The following SHANK2 variants were observed in gnomAD, a reference collection of about 807,000 sequenced individuals.
The protein encoded by SHANK2 is SH3 and multiple ankyrin repeat domains protein 2.
In SHANK2, 43 loss-of-function variants were observed where a neutral mutation model predicts 133.7. The ratio of observed to expected loss-of-function variants is 0.32; its 90% CI spans 0.25 to 0.41. The LOEUF (loss-of-function observed/expected upper bound fraction) is 0.41, where lower values mean the gene tolerates loss of function less well. Ranked by LOEUF, SHANK2 falls within the 10% of genes least tolerant of loss-of-function variation. The probability of loss-of-function intolerance (pLI) is 1.00; values close to 1 mark genes in which losing one functional copy is unlikely to be tolerated. For synonymous variants in SHANK2, 1,017 were observed against 952.8 expected (o/e 1.07, Z -1.24); for missense variants, 1,994 against 2,235.8 (o/e 0.89, Z 2.18).
At chr11:70,572,520 TCAGA>T (rs2060057986) in intron 17 of SHANK2, among the ~76,000 whole-genome samples, 1 of 151,868 alleles carries the variant, frequency 6.6e-6, no homozygotes, top group South Asian at 2.1e-4. Context: ...TTTAGCTGAC[TCAGA>T]CAGAAGGGAA....
At chr11:70,824,240 A>T (rs1312605063) in intron 11 of SHANK2, among the ~76,000 whole-genome samples, 1 of 151,930 alleles carries the variant, frequency 6.6e-6, no homozygotes, top group African/African-American at 2.4e-5. Context: ...AAGCCTGGGG[A>T]GCCGCACAGA....
intron 10 of SHANK2, among the ~76,000 whole-genome samples, chr11:70,931,292 G>A (rs1181844809): frequency 2.6e-5 from 4 of 152,238 alleles, no homozygotes; most frequent in Non-Finnish European, 5.9e-5. Flanking sequence ...TATGGTGATA[G>A]TTGCACAACT....
At chr11:71,187,143 G>A (rs988148750) in intron 2 of SHANK2, among the ~76,000 whole-genome samples, 2 of 152,220 alleles carry the variant, frequency 1.3e-5, no homozygotes, top group African/African-American at 4.8e-5. Flanking sequence ...GTTGGCTGCT[G>A]TCTTAATTAA....
chr11:70,669,747 C>T (rs1944759046), intron 15 of SHANK2: 1 of 152,390 alleles, frequency 6.6e-6, no homozygotes. Context: ...GGGTCAACGT[C>T]ACGACCCATT....
intron 17 of SHANK2, among the ~76,000 whole-genome samples, chr11:70,621,970 C>A (rs1167195419): frequency 6.6e-6 from 1 of 152,174 alleles, no homozygotes; most frequent in Non-Finnish European, 1.5e-5. Context: ...GCTCGTTTCT[C>A]TTCCCGGCTC....
At chr11:70,735,581 G>C (rs1946386482) in intron 14 of SHANK2, among the ~76,000 whole-genome samples, 1 of 152,082 alleles carries the variant, frequency 6.6e-6, no homozygotes, top group African/African-American at 2.4e-5. Flanking sequence ...GCGGGCGCCT[G>C]TAATCCCAGC....
At chr11:70,737,687 G>A (rs1255860792) in intron 14 of SHANK2, among the ~76,000 whole-genome samples, 12 of 152,166 alleles carry the variant, frequency 7.9e-5, no homozygotes, top group Non-Finnish European at 1.5e-4. Flanking sequence ...CGGGCAGCCC[G>A]GGGCAGGGCT....
At chr11:70,591,355 C>CAAAAAG (rs145230441) in intron 17 of SHANK2, among the ~76,000 whole-genome samples, 28 of 141,342 alleles carry the variant, frequency 2.0e-4, no homozygotes, top group Middle Eastern at 3.5e-3. Flanking sequence ...CTGTCTCAAA[C>CAAAAAG]AAAAAGAAAA....
At chr11:71,116,744 C>T (rs1951986927) in intron 4 of SHANK2, among the ~76,000 whole-genome samples, 1 of 152,162 alleles carries the variant, frequency 6.6e-6, no homozygotes, top group Admixed American at 6.5e-5. Flanking sequence ...GTCTTTGGGT[C>T]CTGGGGCGGA....
intron 11 of SHANK2, among the ~76,000 whole-genome samples, chr11:70,868,552 G>C (rs1949408721): frequency 6.6e-6 from 1 of 152,198 alleles, no homozygotes; most frequent in Admixed American, 6.5e-5. Flanking sequence ...CACAGCCTGT[G>C]AAGGGCAGAG....
At chr11:70,946,469 C>T (rs1950737505) in intron 10 of SHANK2, among the ~76,000 whole-genome samples, 2 of 148,180 alleles carry the variant, frequency 1.3e-5, no homozygotes, top group Admixed American at 1.3e-4. Context: ...CACTAACCAA[C>T]TCTTCCCCAG....
intron 13 of SHANK2, among the ~76,000 whole-genome samples, chr11:70,802,112 G>A (rs1341827218): frequency 6.6e-6 from 1 of 152,180 alleles, no homozygotes; most frequent in East Asian, 1.9e-4. Context: ...GACCGGGAGA[G>A]GGGCACATAC....
intron 1 of SHANK2, among the ~76,000 whole-genome samples, chr11:71,238,323 A>G (rs73530372): frequency 0.011 from 1,682 of 152,290 alleles, 25 homozygotes; most frequent in African/African-American, 0.038. Context: ...AAACATCACC[A>G]CTAATGACAG....
rs1946481487 is a variant in SHANK2, at chr11:70,739,751, A to T, written c.1778-40988T>A. On this transcript the variant is annotated intron_variant, in intron 14 of 25. Transcript: ENST00000601538. This position sits in a 1 kb window ranked among gnomAD's most constrained non-coding sequence, Gnocchi z 4.3. Reference sequence around the variant, plus strand: ...GTATTTGGAGATAAGGTCTTTAAAGAGGTGATTAAGTTAAAACGAGGTACT... The same window carrying T: ...GTATTTGGAGATAAGGTCTTTAAAGTGGTGATTAAGTTAAAACGAGGTACT... Among the ~76,000 whole-genome samples the T allele has an allele frequency of 6.6e-6, 1 of 152,168 alleles. No individual in the cohort carries two copies. The highest frequency in any genetic ancestry group is 1.5e-5 in the Non-Finnish European group (1 of 68,020).
At chr11:70,639,946 A>C (rs1555005710) in intron 17 of SHANK2, among the ~76,000 whole-genome samples, 1 of 152,106 alleles carries the variant, frequency 6.6e-6, no homozygotes, top group Non-Finnish European at 1.5e-5. Context: ...AGACATAAGG[A>C]GGAGGGGGCA....
At chr11:70,918,633 G>A (rs782306109) in intron 10 of SHANK2, among the ~76,000 whole-genome samples, 3 of 151,942 alleles carry the variant, frequency 2.0e-5, no homozygotes, top group Non-Finnish European at 4.4e-5. Context: ...AGCCTCCTGA[G>A]TAGCTGGGAC....
intron 10 of SHANK2, among the ~76,000 whole-genome samples, chr11:70,937,571 G>A (rs925415164): frequency 6.6e-6 from 1 of 152,180 alleles, no homozygotes; most frequent in East Asian, 1.9e-4. Flanking sequence ...GCCTTGGCAA[G>A]TGTGCAAAAG....
At chr11:70,811,013 C>T (rs187245455) in intron 12 of SHANK2, among the ~76,000 whole-genome samples, 16 of 152,258 alleles carry the variant, frequency 1.1e-4, no homozygotes, top group African/African-American at 3.6e-4. Context: ...CCCAGTGTCC[C>T]CTGGGCTGCA....
chr11:71,098,595 C>T (rs1355966690), intron 6 of SHANK2, among the ~76,000 whole-genome samples: 5 of 152,136 alleles, frequency 3.3e-5, no homozygotes, highest in African/African-American at 7.2e-5. Context: ...GGGAATGAAC[C>T]GCTGACCTCA....
Sources: gnomAD v4.1 joint callset for allele counts (sites outside exome capture counted in the v4.1 genomes callset) on GRCh38, gnomAD v4.1.1 for gene constraint, Gnocchi (gnomAD v3.1) non-coding constraint, MANE v1.5 for transcripts, NCBI Gene and HGNC (gene_info 2026-07-23, HGNC 2026-07-21) for gene names.